ECT2L: variants seen among roughly 807,000 people sequenced by gnomAD.
The protein encoded by ECT2L is epithelial cell transforming 2 like, also known as epithelial cell-transforming sequence 2 oncogene-like.
A neutral mutation model predicts 122.8 loss-of-function variants in ECT2L; 126 were observed. The observed-to-expected ratio is 1.03, with a 90% CI of 0.89 to 1.19. The LOEUF (loss-of-function observed/expected upper bound fraction) is 1.19, where lower values mean the gene tolerates loss of function less well. ECT2L is among the 50% of genes most tolerant of loss of function. ECT2L has a pLI of 0.00. For missense variants in ECT2L, 1,012 were observed against 1,064.1 expected (o/e 0.95, Z 0.68); for synonymous variants, 385 against 381.8 (o/e 1.01, Z -0.10).
chr6:138,864,845 CAG>C, intron 11 of ECT2L, 149 bp from the exon 12 acceptor site: 4 of 611,502 alleles, frequency 6.5e-6, no homozygotes, highest in Admixed American at 3.3e-5. Flanking sequence ...CCTTTGAAAA[CAG>C]AGGATGGGTG....
At chr6:138,871,587 C>G (rs1778255022) in intron 13 of ECT2L, among the ~76,000 whole-genome samples, 1 of 152,088 alleles carries the variant, frequency 6.6e-6, no homozygotes. Context: ...GGGTGGATCA[C>G]TTGAGGCCAG....
At chr6:138,808,398 C>T (rs191522340) in intron 1 of ECT2L, among the ~76,000 whole-genome samples, 25 of 152,214 alleles carry the variant, frequency 1.6e-4, no homozygotes, top group Admixed American at 7.2e-4. Context: ...GCATGCACCA[C>T]CATTCCTGGC....
At chr6:138,895,496 A>G (rs1296418091) in intron 20 of ECT2L, among the ~76,000 whole-genome samples, 1 of 152,202 alleles carries the variant, frequency 6.6e-6, no homozygotes, top group Non-Finnish European at 1.5e-5. Flanking sequence ...TGATTGGACC[A>G]GAAGGTAGAA....
intron 4 of ECT2L, among the ~76,000 whole-genome samples, chr6:138,834,942 TTCTC>T (rs1328762751): frequency 4.0e-4 from 36 of 90,070 alleles, no homozygotes; most frequent in African/African-American, 1.1e-3. Flanking sequence ...CACACTCTCA[TTCTC>T]TCTCTCTGTC....
chr6:138,852,746 G>T (rs1359782022), intron 9 of ECT2L, among the ~76,000 whole-genome samples: 1 of 152,150 alleles, frequency 6.6e-6, no homozygotes, highest in African/African-American at 2.4e-5. Flanking sequence ...TCCTCCCAAA[G>T]TAAAGCACAG....
At chr6:138,878,330 C>T (rs978390090) in intron 14 of ECT2L, among the ~76,000 whole-genome samples, 28 of 151,496 alleles carry the variant, frequency 1.8e-4, no homozygotes, top group South Asian at 4.2e-4. Flanking sequence ...CACACACACA[C>T]ACATACATAT....
chr6:138,844,563 A>G lies in ECT2L; in HGVS notation c.747A>G (p.Leu249=). The change falls in exon 7 of 22, where the codon TTA becomes TTG. Residue 249 remains leucine (L), a synonymous_variant. Transcript: ENST00000541398. ...ALEKQLVLTS[L]ETLPKRSNIS... ...AGAAACAGCTTGTTTTGACATCGTT[A>G]GAAACCTTGCCCAAGCGGTAAGCAA... 1 of 1,614,150 alleles carries G rather than the reference A, an allele frequency of 6.2e-7. No homozygotes were observed. Among genetic ancestry groups the G allele is most frequent in the Non-Finnish European group, 8.5e-7 (1 of 1,180,000 alleles).
At chr6:138,841,648 T>C (rs1777043650) in intron 5 of ECT2L, among the ~76,000 whole-genome samples, 1 of 152,244 alleles carries the variant, frequency 6.6e-6, no homozygotes, top group African/African-American at 2.4e-5. Context: ...TCTGTTCTGC[T>C]TCTCAGCCTA....
intron 6 of ECT2L, among the ~76,000 whole-genome samples, chr6:138,843,663 G>A (rs191005058): frequency 2.0e-5 from 3 of 152,190 alleles, no homozygotes; most frequent in Admixed American, 6.5e-5. Context: ...TCTTTTTAAA[G>A]CCTCTTTCAG....
intron 9 of ECT2L, among the ~76,000 whole-genome samples, chr6:138,851,039 A>G (rs1041373523): frequency 1.3e-5 from 2 of 151,506 alleles, no homozygotes; most frequent in East Asian, 3.9e-4. Flanking sequence ...AGAGAGAAAG[A>G]AAAAGAAATC....
intron 1 of ECT2L, among the ~76,000 whole-genome samples, chr6:138,796,732 T>C (rs1775359029): frequency 6.6e-6 from 1 of 152,210 alleles, no homozygotes; most frequent in Non-Finnish European, 1.5e-5. Context: ...AGTGGTACTT[T>C]AAAATATCGA....
At chr6:138,822,818 C>G in intron 4 of ECT2L, 1 of 1,613,424 alleles carries the variant, frequency 6.2e-7, no homozygotes, top group Non-Finnish European at 8.5e-7. Context: ...CTTATGACTA[C>G]AGTCAATATG....
intron 1 of ECT2L, among the ~76,000 whole-genome samples, chr6:138,807,045 C>T (rs1335404245): frequency 6.6e-6 from 1 of 151,744 alleles, no homozygotes; most frequent in Non-Finnish European, 1.5e-5. Flanking sequence ...TCTTTATCCT[C>T]ATCATCTTCA....
At position 138,888,929 on chromosome 6, in the gene ECT2L, T is replaced by C; in HGVS notation, c.2326-14T>C. On this transcript the variant is annotated splice_polypyrimidine_tract_variant and intron_variant, in intron 19 of 21. Coordinates refer to ENST00000541398, the MANE Select transcript of ECT2L (RefSeq NM_001077706.3). Reference sequence around the variant, plus strand: ...AATTTATATGTACTTCTAATTTTGTTTTTGATTTTACAGACTCTATCAGAA... The same window carrying C: ...AATTTATATGTACTTCTAATTTTGTCTTTGATTTTACAGACTCTATCAGAA... The C allele has an allele frequency of 7.2e-7, 1 of 1,394,594 alleles. No individual in the cohort carries two copies. The highest frequency in any genetic ancestry group is 1.7e-5 in the South Asian group (1 of 57,416). 86.4% of individuals were successfully genotyped at this position (1,394,594 alleles called of 1,614,324 possible).
intron 1 of ECT2L, among the ~76,000 whole-genome samples, chr6:138,799,483 C>G (rs1485105498): frequency 2.0e-5 from 3 of 152,118 alleles, no homozygotes; most frequent in African/African-American, 7.2e-5. Flanking sequence ...TCTCGATCTC[C>G]TGACCTCATG....
chr6:138,802,133 C>T (rs1490278433), intron 1 of ECT2L, among the ~76,000 whole-genome samples: 1 of 152,234 alleles, frequency 6.6e-6, no homozygotes, highest in Non-Finnish European at 1.5e-5. Context: ...GAGAGGCCCA[C>T]ATGGGAGGGG....
chr6:138,812,897 C>T lies in ECT2L; in HGVS notation c.-184C>T, dbSNP rs140053131. 7.0e-3 allele frequency: 1,178 copies of T among 169,050 alleles called. 15 individuals carry two copies. The highest frequency in any genetic ancestry group is 0.026 in the African/African-American group (1,102 of 42,268). The allele number at this position is 169,050 out of a possible 1,614,324, so 10.5% of individuals were successfully genotyped here. ...CACGGCAGTTTCTAAGTAGCATTTCCTGGAACGTTCTTAATGCTTCCCATT... is the reference window on the plus strand; with the variant it reads ...CACGGCAGTTTCTAAGTAGCATTTCTTGGAACGTTCTTAATGCTTCCCATT... On this transcript the variant is annotated 5_prime_UTR_variant, in exon 2 of 22. Coordinates refer to ENST00000541398, the MANE Select transcript of ECT2L (RefSeq NM_001077706.3).
chr6:138,856,253 C>T (rs538943153), intron 10 of ECT2L, among the ~76,000 whole-genome samples: 164 of 148,732 alleles, frequency 1.1e-3, no homozygotes, highest in African/African-American at 3.5e-3. Context: ...CTCGTTCTGT[C>T]GCCCAGACTG....
intron 10 of ECT2L, among the ~76,000 whole-genome samples, chr6:138,857,967 A>G (rs1036273954): frequency 6.6e-6 from 1 of 152,180 alleles, no homozygotes; most frequent in Non-Finnish European, 1.5e-5. Flanking sequence ...ATGAGAACTG[A>G]GGAAAAGAGG....
Sources: gnomAD v4.1 joint callset for allele counts (sites outside exome capture counted in the v4.1 genomes callset) on GRCh38, gnomAD v4.1.1 for gene constraint, MANE v1.5 for transcripts, NCBI Gene and HGNC (gene_info 2026-07-23, HGNC 2026-07-21) for gene names.